The following ESR2 variants were observed in gnomAD, a reference collection of about 807,000 sequenced individuals.
The protein encoded by ESR2 is estrogen receptor 2.
In ESR2, 36 loss-of-function variants were observed where a neutral mutation model predicts 49.6. The observed-to-expected ratio is 0.73, with a 90% confidence interval of 0.56 to 0.96. ESR2 has a LOEUF of 0.96. Ranked by LOEUF, ESR2 falls within the 40% of genes least tolerant of loss-of-function variation. The probability of loss-of-function intolerance (pLI) is 0.00; values close to 1 mark genes in which losing one functional copy is unlikely to be tolerated. For missense variants in ESR2, 714 were observed against 693.0 expected (o/e 1.03, Z -0.34); for synonymous variants, 320 against 266.1 (o/e 1.20, Z -1.97).
intron 1 of ESR2, among the ~76,000 whole-genome samples, chr14:64,319,372 A>AT (rs1179030607): frequency 2.0e-5 from 3 of 152,090 alleles, no homozygotes; most frequent in Non-Finnish European, 2.9e-5. Context: ...TTTAGAGATG[A>AT]TTTTTTGGAT....
intron 7 of ESR2, among the ~76,000 whole-genome samples, chr14:64,237,672 G>A (rs1406750476): frequency 6.6e-6 from 1 of 152,170 alleles, no homozygotes; most frequent in Non-Finnish European, 1.5e-5. Flanking sequence ...AACAAAATGT[G>A]GTCTATCCAT....
chr14:64,285,811 A>ACAG, intron 1 of ESR2, among the ~76,000 whole-genome samples: 1 of 143,736 alleles, frequency 7.0e-6, no homozygotes. Context: ...CAGGTGACAG[A>ACAG]GTGAGACTCT....
rs1056762766 is a variant in ESR2 at position 64,235,268 on chromosome 14, G to A, written c.1226-118C>T. ...CTGGGTTGCTTTGACAGCTGCATGT[G>A]TGGCAGGAGCTTATAAGCATGGTCT... On this transcript the variant is annotated intron_variant, in intron 7 of 8. Coordinates refer to ENST00000341099, the MANE Select transcript of ESR2 (RefSeq NM_001437.3). 7.7e-5 allele frequency: 79 copies of A among 1,024,660 alleles called. 1 individual carries two copies. In the Middle Eastern group the frequency reaches 8.6e-4, roughly 11 times the overall value. The allele number at this position is 1,024,660 out of a possible 1,614,324, so 63.5% of individuals were successfully genotyped here. A position where few individuals can be genotyped will look rare whatever the true frequency, so the allele number is the denominator to read the frequency against.
intron 3 of ESR2, 140 bp from the exon 4 acceptor site, chr14:64,269,051 A>G (rs1567761685): frequency 3.5e-6 from 2 of 579,036 alleles, no homozygotes; most frequent in Admixed American, 3.1e-5. Context: ...TACAAAGCCA[A>G]AGTCAAGCTA....
chr14:64,287,390 C>T (rs2076801338), intron 1 of ESR2, among the ~76,000 whole-genome samples: 1 of 152,222 alleles, frequency 6.6e-6, no homozygotes, highest in African/African-American at 2.4e-5. Flanking sequence ...GATCTCACAT[C>T]TCAACATATC....
chr14:64,338,064 T>C (rs1235636919), exon 1 of ESR2: 1 of 154,946 alleles, frequency 6.5e-6, no homozygotes, highest in Non-Finnish European at 1.5e-5. Flanking sequence ...TTCTCCAGTG[T>C]GGACGCCTAC....
chr14:64,289,415 G>C (rs984550400), intron 1 of ESR2, among the ~76,000 whole-genome samples: 1 of 152,106 alleles, frequency 6.6e-6, no homozygotes, highest in Non-Finnish European at 1.5e-5. Flanking sequence ...GGGAGGATGA[G>C]GCAGGACAAT....
intron 2 of ESR2, among the ~76,000 whole-genome samples, chr14:64,280,370 T>C (rs1368427184): frequency 6.6e-6 from 1 of 152,068 alleles, no homozygotes; most frequent in African/African-American, 2.4e-5. Flanking sequence ...TGTTTGAAAG[T>C]GGGTAGGTGA....
intron 2 of ESR2, among the ~76,000 whole-genome samples, chr14:64,281,530 A>G (rs762850967): frequency 3.9e-5 from 6 of 152,118 alleles, no homozygotes; most frequent in African/African-American, 1.4e-4. Flanking sequence ...ATGTTTTTAA[A>G]AGAAGAAAAA....
At chr14:64,332,431 A>G (rs1187734133) in intron 1 of ESR2, 2 of 152,216 alleles carry the variant, frequency 1.3e-5, no homozygotes, top group Non-Finnish European at 2.9e-5. Context: ...AAAGCTTTTC[A>G]TATTTTGTGG....
chr14:64,241,357 C>G (rs377089707), intron 7 of ESR2, among the ~76,000 whole-genome samples: 6 of 152,142 alleles, frequency 3.9e-5, no homozygotes, highest in Non-Finnish European at 1.5e-5. Flanking sequence ...CTGTTGACAT[C>G]AATACCACAT....
intron 1 of ESR2, among the ~76,000 whole-genome samples, chr14:64,287,368 T>C (rs2076800979): frequency 6.6e-6 from 1 of 152,168 alleles, no homozygotes; most frequent in Non-Finnish European, 1.5e-5. Context: ...GCAACTTTGC[T>C]TAGAAAATAC....
intron 4 of ESR2, among the ~76,000 whole-genome samples, chr14:64,264,672 ACTAGC>A (rs1180326119): frequency 6.6e-6 from 1 of 152,124 alleles, no homozygotes; most frequent in East Asian, 1.9e-4. Context: ...GGAGTTGAAG[ACTAGC>A]CTGGGCAACA....
intron 1 of ESR2, among the ~76,000 whole-genome samples, chr14:64,292,943 C>CAAG (rs1033859496): frequency 2.3e-4 from 35 of 152,232 alleles, no homozygotes; most frequent in African/African-American, 7.9e-4. Flanking sequence ...ATGTCTTGAG[C>CAAG]AAGACTTAAG....
chr14:64,242,906 A>T (rs544077768), intron 7 of ESR2, among the ~76,000 whole-genome samples: 1 of 152,364 alleles, frequency 6.6e-6, no homozygotes, highest in African/African-American at 2.4e-5. Context: ...TCATGGCAGA[A>T]GGTGAAAGGC....
At chr14:64,327,434 G>A (rs1387346132) in intron 1 of ESR2, among the ~76,000 whole-genome samples, 3 of 95,610 alleles carry the variant, frequency 3.1e-5, no homozygotes, top group Non-Finnish European at 7.4e-5. Flanking sequence ...AGTGGCTCAC[G>A]CCTGTCATCC....
chr14:64,309,363 A>T (rs2077154572), intron 1 of ESR2, among the ~76,000 whole-genome samples: 1 of 152,138 alleles, frequency 6.6e-6, no homozygotes, highest in Non-Finnish European at 1.5e-5. Flanking sequence ...TATAATCTCA[A>T]CACTTTGGGA....
At chr14:64,316,168 C>G (rs2077252485) in intron 1 of ESR2, among the ~76,000 whole-genome samples, 1 of 151,672 alleles carries the variant, frequency 6.6e-6, no homozygotes, top group African/African-American at 2.4e-5. Flanking sequence ...TGCCACCATG[C>G]CCAGCTAATT....
chr14:64,279,962 G>C lies in ESR2; in HGVS notation c.535+19C>G, dbSNP rs529727293. 15 of 1,597,512 alleles carry C rather than the reference G, an allele frequency of 9.4e-6. No homozygotes were observed. The African/African-American group carries it at 2.0e-4, about 21-fold the overall frequency. On this transcript the variant is annotated intron_variant, in intron 3 of 8. Coordinates refer to ENST00000341099, the MANE Select transcript of ESR2 (RefSeq NM_001437.3). Reference sequence around the variant, plus strand: ...TCAAAAGTAGGAAACTAAAGAAGCAGTTAACAATTCTCTTGTACCTTGAAT... The same window carrying C: ...TCAAAAGTAGGAAACTAAAGAAGCACTTAACAATTCTCTTGTACCTTGAAT...
Sources: gnomAD v4.1 joint callset for allele counts (sites outside exome capture counted in the v4.1 genomes callset) on GRCh38, gnomAD v4.1.1 for gene constraint, MANE v1.5 for transcripts, NCBI Gene and HGNC (gene_info 2026-07-23, HGNC 2026-07-21) for gene names.